Variants in TPCN1 observed in about 807,000 individuals in gnomAD.
The protein encoded by TPCN1 is two pore segment channel 1, also known as two pore channel protein 1.
In TPCN1, 52 loss-of-function variants were observed where a neutral mutation model predicts 108.8. The ratio of observed to expected loss-of-function variants is 0.48; its 90% CI spans 0.38 to 0.60. The LOEUF (loss-of-function observed/expected upper bound fraction) is 0.60. Among genes scored for constraint, TPCN1 ranks in the 20% least tolerant of loss-of-function variants. The pLI is 0.00. For missense variants in TPCN1, 806 were observed against 1,072.8 expected, an observed-to-expected ratio of 0.75 and a Z score of 3.47; for synonymous variants, 446 against 433.7, an observed-to-expected ratio of 1.03 and a Z score of -0.35.
intron 2 of TPCN1, among the ~76,000 whole-genome samples, chr12:113,243,367 C>G (rs1329632588): frequency 6.9e-6 from 1 of 145,252 alleles, no homozygotes; most frequent in Non-Finnish European, 1.5e-5. Context: ...GGGACCCTGT[C>G]TCAAAAAAAA....
At chr12:113,285,840 G>A in intron 17 of TPCN1, 49 bp from the exon 18 acceptor site, 1 of 1,515,644 alleles carries the variant, frequency 6.6e-7, no homozygotes, top group Non-Finnish European at 9.2e-7. Flanking sequence ...GACCGAGCAT[G>A]GGGGAGGATG....
Position 113,288,812 on chromosome 12 carries a change from GTTC to G in TPCN1, c.1766_1768del (p.Phe589del), listed in dbSNP as rs1279340662. The G allele has an allele frequency of 2.5e-6, 4 of 1,613,504 alleles. No homozygotes were observed. Among genetic ancestry groups the G allele is most frequent in the Admixed American group, 1.7e-5 (1 of 60,006 alleles). ...ACTCCTTCGCCATCGTGGGCATGGA[GTTC>G]TTCTGCGGGATCGTCTTCCCCAACT... On this transcript the variant is annotated inframe_deletion, in exon 21 of 28. Coordinates refer to ENST00000335509, the MANE Select transcript of TPCN1 (RefSeq NM_017901.6). This position sits in a 1 kb window ranked among gnomAD's most constrained non-coding sequence, Gnocchi z 4.8.
At chr12:113,250,158 A>G (rs1954577189) in intron 2 of TPCN1, 1 of 152,242 alleles carries the variant, frequency 6.6e-6, no homozygotes, top group Non-Finnish European at 1.5e-5. Flanking sequence ...GTGTGCTAAA[A>G]AAAGATGCCA....
chr12:113,252,820 G>C (rs1954696928), intron 2 of TPCN1, among the ~76,000 whole-genome samples: 1 of 152,174 alleles, frequency 6.6e-6, no homozygotes, highest in Non-Finnish European at 1.5e-5. Flanking sequence ...TTCTGTCTCT[G>C]CCTAGGGCTT....
rs997475456 is a variant in TPCN1, at chr12:113,272,142, G to C, written c.749-516G>C. On this transcript the variant is annotated intron_variant, in intron 7 of 27. Coordinates refer to ENST00000335509, the MANE Select transcript of TPCN1 (RefSeq NM_017901.6). This position sits in a 1 kb window ranked among gnomAD's most constrained non-coding sequence, Gnocchi z 4.1. ...TAGGGGCTGATTTCCCCTGAGGGCA[G>C]AGTTCCTCCCTTTTCCCACTCAGGA... Among the ~76,000 whole-genome samples the C allele has an allele frequency of 2.6e-5, 4 of 152,196 alleles. No individual in the cohort carries two copies. Among genetic ancestry groups the C allele is most frequent in the African/African-American group, 9.7e-5 (4 of 41,450 alleles).
At chr12:113,257,214 A>G in intron 2 of TPCN1, among the ~76,000 whole-genome samples, 1 of 152,268 alleles carries the variant, frequency 6.6e-6, no homozygotes, top group East Asian at 1.9e-4. Flanking sequence ...AAAGTTGGCC[A>G]GGCGCAGCAG....
At chr12:113,293,198 C>T (rs759370921) in intron 26 of TPCN1, 71 bp from the exon 27 acceptor site, 60 of 1,602,494 alleles carry the variant, frequency 3.7e-5, no homozygotes, top group South Asian at 3.6e-4. Flanking sequence ...AAGTGGGAGA[C>T]GCCAACTGTG....
chr12:113,294,511 C>T (rs1956367199), intron 27 of TPCN1, among the ~76,000 whole-genome samples: 1 of 151,780 alleles, frequency 6.6e-6, no homozygotes, highest in Non-Finnish European at 1.5e-5. Context: ...CCTGTAATCC[C>T]AGCTACTGAA....
At chr12:113,230,455 A>G (rs74467233) in intron 2 of TPCN1, among the ~76,000 whole-genome samples, 2,490 of 151,518 alleles carry the variant, frequency 0.016, 87 homozygotes, top group East Asian at 0.15. Flanking sequence ...AATTTTTTGT[A>G]TTTTCAGTAG....
At position 113,288,636 on chromosome 12, in the gene TPCN1, G is replaced by T. The variant is rs1233057619; in HGVS notation, c.1707-122G>T. The T allele has an allele frequency of 5.9e-6, 9 of 1,536,888 alleles. No individual in the cohort carries two copies. Among genetic ancestry groups the T allele is most frequent in the East Asian group, 2.3e-5 (1 of 44,122 alleles). On this transcript the variant is annotated intron_variant, in intron 20 of 27. Transcript: ENST00000335509. The surrounding 1 kb of genome is among the most constrained non-coding windows in gnomAD (Gnocchi z 4.8). ...GCCCCTTCCCCGCAGGCACTTTCCA[G>T]TTGGTGAACCGACCAGGGGCATGGC...
At chr12:113,224,557 C>T (rs1392449454) in intron 1 of TPCN1, among the ~76,000 whole-genome samples, 7 of 152,042 alleles carry the variant, frequency 4.6e-5, no homozygotes, top group African/African-American at 1.4e-4. Context: ...CCACCACGCC[C>T]GGCTAATTTT....
chr12:113,279,345 A>ATGTGTG (rs1191314168), intron 14 of TPCN1, among the ~76,000 whole-genome samples: 7 of 88,310 alleles, frequency 7.9e-5, no homozygotes, highest in African/African-American at 3.5e-4. Context: ...GTGTATATAT[A>ATGTGTG]TGTGTGTGTG....
intron 2 of TPCN1, among the ~76,000 whole-genome samples, chr12:113,241,789 T>C (rs890674448): frequency 4.0e-5 from 6 of 151,338 alleles, no homozygotes; most frequent in African/African-American, 7.3e-5. Flanking sequence ...TGTGTGTGTG[T>C]GTGTGCGTGT....
rs1956315420 is a variant in TPCN1 at position 113,292,953 on chromosome 12, T to C, written c.2133T>C (p.Leu711=). The change falls in exon 26 of 28, where the codon CTT becomes CTC. Residue 711 remains leucine (L), a synonymous_variant. Transcript: ENST00000335509. ...CTGCAGTTGATGGTGGCATCACCCT[T>C]GAGAAGGAAATCTCCAAAGAAGAGC... The part of the protein sequence containing the change: ...QDSEVDGGIT[L]EKEISKEELV... 1.2e-6 allele frequency: 2 copies of C among 1,612,714 alleles called. No individual in the cohort carries two copies. Among genetic ancestry groups the C allele is most frequent in the Non-Finnish European group, 1.7e-6 (2 of 1,179,952 alleles).
intron 2 of TPCN1, among the ~76,000 whole-genome samples, chr12:113,233,860 C>T (rs1953787809): frequency 6.6e-6 from 1 of 152,156 alleles, no homozygotes; most frequent in South Asian, 2.1e-4. Context: ...GTCACAAAGA[C>T]ACTTTGACTT....
chr12:113,235,253 G>A (rs1953840116), intron 2 of TPCN1, among the ~76,000 whole-genome samples: 2 of 152,190 alleles, frequency 1.3e-5, no homozygotes, highest in South Asian at 4.1e-4. Context: ...GCAGGTGGGC[G>A]CATCTCCCAG....
At position 113,266,954 on chromosome 12, in the gene TPCN1, C is replaced by T. The variant is rs563656548; in HGVS notation, c.414+598C>T. ...GACTCAGTTTCCCTTCCTGTTTCTC[C>T]TTCTTCATGCCTGGAACTCACAGCT... On this transcript the variant is annotated intron_variant, in intron 4 of 27. Transcript: ENST00000335509. This position sits in a 1 kb window ranked among gnomAD's most constrained non-coding sequence, Gnocchi z 4.2. 6.6e-6 allele frequency among the ~76,000 whole-genome samples: 1 copy of T among 152,332 alleles called. No individual in the cohort carries two copies. Among genetic ancestry groups the T allele is most frequent in the South Asian group, 2.1e-4 (1 of 4,826 alleles).
Position 113,272,693 on chromosome 12 carries a change from G to A in TPCN1, c.783+1G>A, listed in dbSNP as rs750249615. The A allele has an allele frequency of 5.6e-6, 9 of 1,613,348 alleles. No individual in the cohort carries two copies. The highest frequency in any genetic ancestry group is 1.7e-5 in the Admixed American group (1 of 60,006). On this transcript the variant is annotated splice_donor_variant, in intron 8 of 27. Coordinates refer to ENST00000335509, the MANE Select transcript of TPCN1 (RefSeq NM_017901.6). LOFTEE classifies it high-confidence loss of function. This position sits in a 1 kb window ranked among gnomAD's most constrained non-coding sequence, Gnocchi z 4.1. Reference sequence around the variant, plus strand: ...GTTCTCCCCTAACCCTTCAGACCCCGTAAGTAATCAGCACATTTGTCCGTC... The same window carrying A: ...GTTCTCCCCTAACCCTTCAGACCCCATAAGTAATCAGCACATTTGTCCGTC...
intron 2 of TPCN1, among the ~76,000 whole-genome samples, chr12:113,245,600 C>CAAAAAA (rs766002477): frequency 2.1e-4 from 9 of 43,064 alleles, no homozygotes; most frequent in Non-Finnish European, 2.6e-4. Context: ...GACTCCGTCT[C>CAAAAAA]AAAAAAAAAA....
Sources: allele counts gnomAD v4.1 joint callset (sites outside exome capture counted in the v4.1 genomes callset), GRCh38; gene constraint gnomAD v4.1.1; non-coding constraint Gnocchi (gnomAD v3.1); transcripts MANE v1.5; gene names NCBI Gene and HGNC (gene_info 2026-07-23, HGNC 2026-07-21).